Variants in SLC9A9 observed in about 807,000 individuals in gnomAD.
SLC9A9 encodes the protein solute carrier family 9 member A9.
SLC9A9 carries 62 observed loss-of-function variants against 77.8 expected under a neutral mutation model. The ratio of observed to expected loss-of-function variants is 0.80; its 90% confidence interval spans 0.65 to 0.98. The LOEUF is 0.98. Ranked by LOEUF, SLC9A9 falls within the 50% of genes least tolerant of loss-of-function variation. The pLI is 0.00. For synonymous variants in SLC9A9, 320 were observed against 283.5 expected, an observed-to-expected ratio of 1.13 and a Z score of -1.29; for missense variants, 775 against 774.9, an observed-to-expected ratio of 1.00 and a Z score of 0.00.
chr3:143,537,640 C>G (rs985841416), intron 9 of SLC9A9, among the ~76,000 whole-genome samples: 2 of 152,210 alleles, frequency 1.3e-5, no homozygotes, highest in African/African-American at 4.8e-5. Flanking sequence ...GAGATGGTCC[C>G]TTAGAGTTGA....
intron 4 of SLC9A9, among the ~76,000 whole-genome samples, chr3:143,794,545 T>C (rs2008320558): frequency 6.6e-6 from 1 of 152,212 alleles, no homozygotes; most frequent in Non-Finnish European, 1.5e-5. Flanking sequence ...ATTAAGCAAC[T>C]CTGTTGATAT....
At chr3:143,313,020 C>G (rs1166898970) in intron 14 of SLC9A9, 1 of 152,124 alleles carries the variant, frequency 6.6e-6, no homozygotes, top group South Asian at 2.1e-4. Context: ...TAATATTACA[C>G]GAGAACAGAA....
intron 12 of SLC9A9, among the ~76,000 whole-genome samples, chr3:143,460,075 G>A (rs1463568779): frequency 6.6e-6 from 1 of 152,046 alleles, no homozygotes; most frequent in Non-Finnish European, 1.5e-5. Flanking sequence ...CCTTTATCTT[G>A]TTCCAGAAAC....
intron 14 of SLC9A9, among the ~76,000 whole-genome samples, chr3:143,273,218 G>C (rs953466485): frequency 2.0e-5 from 3 of 152,156 alleles, no homozygotes; most frequent in Non-Finnish European, 4.4e-5. Context: ...CCACAAATGA[G>C]CACCTGCTCC....
At chr3:143,600,497 T>C (rs1270780804) in intron 6 of SLC9A9, among the ~76,000 whole-genome samples, 1 of 152,218 alleles carries the variant, frequency 6.6e-6, no homozygotes, top group Non-Finnish European at 1.5e-5. Context: ...TAGAACTCAT[T>C]AATTTATCAG....
At chr3:143,359,050 C>T (rs2108480417) in intron 14 of SLC9A9, among the ~76,000 whole-genome samples, 1 of 151,924 alleles carries the variant, frequency 6.6e-6, no homozygotes, top group East Asian at 1.9e-4. Context: ...CACAGGGTAG[C>T]CTGGATGAAA....
chr3:143,393,704 C>T (rs1182942611), intron 12 of SLC9A9, among the ~76,000 whole-genome samples: 2 of 151,622 alleles, frequency 1.3e-5, no homozygotes, highest in Non-Finnish European at 2.9e-5. Flanking sequence ...AGACCGCTAG[C>T]AAGACTAATA....
chr3:143,490,625 A>C (rs1203426087), intron 11 of SLC9A9, among the ~76,000 whole-genome samples: 7 of 152,194 alleles, frequency 4.6e-5, no homozygotes, highest in Admixed American at 4.6e-4. Flanking sequence ...GTATTTAATA[A>C]CACTGAACTG....
chr3:143,517,407 C>T (rs772935151), intron 9 of SLC9A9: 31 of 1,542,028 alleles, frequency 2.0e-5, no homozygotes, highest in African/African-American at 4.1e-5. Flanking sequence ...TACTGTGCTC[C>T]TGACTGTCGT....
intron 6 of SLC9A9, among the ~76,000 whole-genome samples, chr3:143,639,857 T>C (rs1036220537): frequency 1.3e-5 from 2 of 152,128 alleles, no homozygotes; most frequent in Non-Finnish European, 2.9e-5. Flanking sequence ...GTGTTTGGGG[T>C]GCTTGAAATC....
chr3:143,845,456 T>G (rs1018021443), intron 1 of SLC9A9, among the ~76,000 whole-genome samples: 2 of 152,186 alleles, frequency 1.3e-5, no homozygotes, highest in African/African-American at 2.4e-5. Context: ...ATTTAGGACA[T>G]CCCTGAAGAA....
intron 12 of SLC9A9, among the ~76,000 whole-genome samples, chr3:143,422,598 A>G (rs1292543840): frequency 2.6e-5 from 4 of 152,266 alleles, no homozygotes; most frequent in African/African-American, 9.6e-5. Context: ...CTACTAGAGG[A>G]GGGAGGGAGG....
chr3:143,545,703 G>A (rs1257696028), intron 9 of SLC9A9, among the ~76,000 whole-genome samples: 2 of 152,180 alleles, frequency 1.3e-5, no homozygotes, highest in African/African-American at 4.8e-5. Context: ...CCAGGAAGAA[G>A]CATTCAGCCC....
chr3:143,268,821 A>C, intron 15 of SLC9A9, 54 bp downstream of exon 15: 2 of 1,429,132 alleles, frequency 1.4e-6, no homozygotes, highest in Non-Finnish European at 2.0e-6. Flanking sequence ...GATATTCACC[A>C]AGTCTGTCCC....
chr3:143,519,174 T>G (rs9812078), intron 9 of SLC9A9, among the ~76,000 whole-genome samples: 121,615 of 152,058 alleles, frequency 0.8, 50,054 homozygotes, highest in Non-Finnish European at 0.91. Context: ...AAACATCTAG[T>G]ATATTAGATA....
At chr3:143,784,210 G>T (rs76886245) in intron 4 of SLC9A9, among the ~76,000 whole-genome samples, 2,338 of 152,244 alleles carry the variant, frequency 0.015, 58 homozygotes, top group African/African-American at 0.053. Context: ...TCAAGTTTCC[G>T]TGAATACCCT....
At chr3:143,662,728 C>T (rs546901399) in intron 5 of SLC9A9, among the ~76,000 whole-genome samples, 26 of 151,988 alleles carry the variant, frequency 1.7e-4, no homozygotes, top group South Asian at 1.0e-3. Context: ...GATGAAATTG[C>T]GAGGTAGCAG....
intron 9 of SLC9A9, among the ~76,000 whole-genome samples, chr3:143,541,843 G>A (rs908252455): frequency 6.6e-6 from 1 of 152,192 alleles, no homozygotes; most frequent in Non-Finnish European, 1.5e-5. Context: ...TGAGAGAGTA[G>A]GACAGATTTA....
intron 5 of SLC9A9, among the ~76,000 whole-genome samples, chr3:143,663,593 T>C (rs1378146347): frequency 6.6e-6 from 1 of 152,170 alleles, no homozygotes; most frequent in Non-Finnish European, 1.5e-5. Flanking sequence ...AATGGCTAAC[T>C]AGAATAACCA....
Sources: allele counts gnomAD v4.1 joint callset (sites outside exome capture counted in the v4.1 genomes callset), GRCh38; gene constraint gnomAD v4.1.1; transcripts MANE v1.5; gene names NCBI Gene and HGNC (gene_info 2026-07-23, HGNC 2026-07-21).